TBATA: variants seen among roughly 807,000 people sequenced by gnomAD.
TBATA encodes thymus, brain and testes associated.
Under a neutral mutation model 38.7 loss-of-function variants are expected in TBATA, and 47 were observed. The observed-to-expected ratio is 1.21, with a 90% CI of 0.96 to 1.55. The LOEUF is 1.55. Ranked by LOEUF, TBATA falls within the 40% of genes most tolerant of loss-of-function variation. TBATA has a pLI of 0.00. For missense variants in TBATA, 436 were observed against 435.6 expected, an observed-to-expected ratio of 1.00 and a Z score of -0.01; for synonymous variants, 183 against 170.5, an observed-to-expected ratio of 1.07 and a Z score of -0.57.
chr10:70,776,432 A>T (rs1485739947), intron 7 of TBATA: 1 of 456,204 alleles, frequency 2.2e-6, no homozygotes, highest in Admixed American at 2.3e-5. Context: ...GCTCCGTCTC[A>T]GGGGACCTGG....
chr10:70,775,457 G>A (rs1202491810), intron 7 of TBATA, among the ~76,000 whole-genome samples, 187 bp from the exon 8 acceptor site: 8 of 152,208 alleles, frequency 5.3e-5, no homozygotes, highest in Non-Finnish European at 2.9e-5. Flanking sequence ...CTTAACGGAG[G>A]GCTTTGTCTC....
intron 4 of TBATA, among the ~76,000 whole-genome samples, chr10:70,780,573 C>T (rs906930239): frequency 6.6e-6 from 1 of 152,008 alleles, no homozygotes. Context: ...GAAACACCCC[C>T]TCTCGAATGG....
chr10:70,773,805 C>T (rs1042457323), intron 9 of TBATA, among the ~76,000 whole-genome samples: 2 of 152,198 alleles, frequency 1.3e-5, no homozygotes, highest in African/African-American at 2.4e-5. Flanking sequence ...TGAGGCCTCC[C>T]CCAGTTCGTA....
rs1842772596 is a variant in TBATA, at chr10:70,771,352, G to A, written c.*24C>T. ...AACCCTTGGGGCTGCTCTTGAGCAA[G>A]GCAGGTGCAAGTGTTAGGGCCCCTC... On this transcript the variant is annotated 3_prime_UTR_variant, in exon 11 of 11. Coordinates refer to ENST00000456372, the MANE Select transcript of TBATA (RefSeq NM_001318241.2). 6.2e-7 allele frequency: 1 copy of A among 1,614,106 alleles called. No individual in the cohort carries two copies.
chr10:70,774,351 T>C lies in TBATA; in HGVS notation c.782A>G (p.Asp261Gly). The C allele has an allele frequency of 1.9e-6, 3 of 1,592,732 alleles. No homozygotes were observed. Among genetic ancestry groups the C allele is most frequent in the Admixed American group, 1.8e-5 (1 of 55,408 alleles). ...WLLYAPPKEKDLALGLLQTAV... is the reference protein window; with the variant it reads ...WLLYAPPKEKGLALGLLQTAV... ...TGTCTGCAGGAGTCCCAGAGCGAGG[T>C]CTTTTTCTGAAAGCACAGCCCGGGG... Residue 261 changes from aspartate (D) to glycine (G), a missense_variant, in exon 9 of 11, where the codon GAC becomes GGC. Asp to Gly is a moderately conservative substitution (Grantham distance 94). Transcript: ENST00000456372.
rs541459851 is a variant in TBATA, at chr10:70,778,484, G to A, written c.507+73C>T. ...CACCTCTGGTAGGCTGAACTGACTC[G>A]GGAGGGATCTCCTTACACAGGGAAG... On this transcript the variant is annotated intron_variant, in intron 6 of 10. Coordinates refer to ENST00000456372, the MANE Select transcript of TBATA (RefSeq NM_001318241.2). 23 of 1,455,804 alleles carry A rather than the reference G, an allele frequency of 1.6e-5. 1 individual carries two copies. The highest frequency in any genetic ancestry group is 8.0e-5 in the South Asian group (7 of 87,716). The allele number at this position is 1,455,804 out of a possible 1,614,324, so 90.2% of individuals were successfully genotyped here. A position where few individuals can be genotyped will look rare whatever the true frequency, so the allele number is the denominator to read the frequency against.
At position 70,774,390 on chromosome 10, in the gene TBATA, C is replaced by T. The variant is rs778931572; in HGVS notation, c.776-33G>A. The T allele has an allele frequency of 1.6e-5, 24 of 1,548,172 alleles. No homozygotes were observed. In the Admixed American group the frequency reaches 1.6e-4, roughly 10 times the overall value. ...CACAGCCCGGGGGCAGTGTCCTCAG[C>T]CCCCAGCCCCCTTCCTGTCCCTGTG... On this transcript the variant is annotated intron_variant, in intron 8 of 10. Coordinates refer to ENST00000456372, the MANE Select transcript of TBATA (RefSeq NM_001318241.2).
intron 3 of TBATA, 56 bp from the exon 4 acceptor site, chr10:70,782,092 C>A: frequency 6.4e-7 from 1 of 1,568,008 alleles, no homozygotes; most frequent in Non-Finnish European, 8.7e-7. Context: ...AGTGGGCCCA[C>A]CTGGGCTCAG....
Position 70,781,878 on chromosome 10 carries a change from T to C in TBATA, c.200A>G (p.Tyr67Cys). 1 of 1,614,168 alleles carries C rather than the reference T, an allele frequency of 6.2e-7. No individual in the cohort carries two copies. Residue 67 changes from tyrosine (Y) to cysteine (C), a missense_variant, in exon 4 of 11, where the codon TAC (tyrosine) becomes TGC (cysteine). By Grantham distance (194) the Tyr-to-Cys change is radical. Transcript: ENST00000456372. ...RTPKPQTPGT[Y>C]CFGRLSHHSF... ...GTGGTGACTGAGGCGTCCAAAGCAG[T>C]AGGTGCCAGGGGTTTGGGGCTTTGG... is the stretch of plus-strand genomic sequence containing the variant.
chr10:70,781,781 C>G lies in TBATA; in HGVS notation c.277+20G>C, dbSNP rs1001646863. On this transcript the variant is annotated intron_variant, in intron 4 of 10. Transcript: ENST00000456372. ...TTAGTGATACTCCCTCTGCTCCCAC[C>G]CCAACCAGCCAGGCCCTACCTTGGA... 1 of 1,608,154 alleles carries G rather than the reference C, an allele frequency of 6.2e-7. No homozygotes were observed. The highest frequency in any genetic ancestry group is 1.7e-5 in the Admixed American group (1 of 59,978).
chr10:70,777,225 C>T lies in TBATA; in HGVS notation c.621G>A (p.Gln207=), dbSNP rs1249144495. ...TGCTGGAAGACTGACTCTGCTGGCC[C>T]TGGTGAGATCTGCGGCGGCCGACAG... The part of the protein sequence containing the change: ...TRAVGRRRSH[Q]GQQSQSSSRH... The change falls in exon 7 of 11, where the codon CAG becomes CAA. Residue 207 remains glutamine, a synonymous_variant. Transcript: ENST00000456372. The T allele has an allele frequency of 6.2e-7, 1 of 1,613,664 alleles. No individual in the cohort carries two copies. Among genetic ancestry groups the T allele is most frequent in the Non-Finnish European group, 8.5e-7 (1 of 1,179,944 alleles).
At chr10:70,777,635 A>G in intron 6 of TBATA, 1 of 461,866 alleles carries the variant, frequency 2.2e-6, no homozygotes, top group East Asian at 4.4e-5. Flanking sequence ...TCAGTAATGC[A>G]GGGTCGATCG....
chr10:70,776,532 T>C (rs7897034), intron 7 of TBATA: 200,268 of 392,568 alleles, frequency 0.51, 52,458 homozygotes, highest in Non-Finnish European at 0.55. Context: ...TTTGCTGCAT[T>C]GTGGTAAGGT....
Position 70,771,407 on chromosome 10 carries a change from T to G in TBATA, c.1028A>C (p.Lys343Thr). 1.9e-6 allele frequency: 3 copies of G among 1,614,210 alleles called. No individual in the cohort carries two copies. Among genetic ancestry groups the G allele is most frequent in the Non-Finnish European group, 2.5e-6 (3 of 1,180,034 alleles). Residue 343 changes from lysine to threonine, a missense_variant, in exon 11 of 11, where the codon AAG becomes ACG. Transcript: ENST00000456372. Reference sequence around the variant, plus strand: ...CTCTGCCCTCGGCTTCGATGTCTTCTTCTCTGTGTTCTGGCTTGAATGCAT... The same window carrying G: ...CTCTGCCCTCGGCTTCGATGTCTTCGTCTCTGTGTTCTGGCTTGAATGCAT... The part of the protein sequence containing the change: ...LQMHSSQNTE[K>T]KTSKPRAES
At chr10:70,774,738 C>G (rs977508506) in intron 8 of TBATA, among the ~76,000 whole-genome samples, 2 of 152,172 alleles carry the variant, frequency 1.3e-5, no homozygotes, top group Non-Finnish European at 2.9e-5. Context: ...CCTCACCCTT[C>G]TACTCAGATG....
In TBATA at chr10:70,772,545, C is replaced by T. The variant is rs915514400; in HGVS notation, c.942G>A (p.Lys314=). The T allele has an allele frequency of 1.2e-6, 2 of 1,614,142 alleles. No homozygotes were observed. Among genetic ancestry groups the T allele is most frequent in the African/African-American group, 2.7e-5 (2 of 75,008 alleles). ...PPCSQSPKKT[K]ISPFTKSEKP... ...TTTCGCTTTTTGTAAAAGGTGATAT[C>T]TTCGTTTTCTTCGGGGATTGACTGT... The change falls in exon 10 of 11, where the codon AAG becomes AAA. Residue 314 remains lysine, a synonymous_variant. Coordinates refer to ENST00000456372, the MANE Select transcript of TBATA (RefSeq NM_001318241.2).
chr10:70,777,104 A>G, intron 7 of TBATA, 49 bp downstream of exon 7: 1 of 1,581,400 alleles, frequency 6.3e-7, no homozygotes, highest in Non-Finnish European at 8.6e-7. Context: ...GGTTTGTAAG[A>G]CCCCTAATGT....
chr10:70,783,610 G>T (rs1393656004), intron 2 of TBATA, 85 bp from the exon 3 acceptor site: 4 of 493,118 alleles, frequency 8.1e-6, no homozygotes, highest in African/African-American at 7.8e-5. Context: ...AGATATAAGA[G>T]AAATTCTTAT....
intron 8 of TBATA, among the ~76,000 whole-genome samples, chr10:70,774,821 T>C (rs1843183436): frequency 6.6e-6 from 1 of 152,186 alleles, no homozygotes; most frequent in Non-Finnish European, 1.5e-5. Context: ...TGAGTAGCCT[T>C]ATGTGCATCT....
Sources: allele counts gnomAD v4.1 joint callset (sites outside exome capture counted in the v4.1 genomes callset), GRCh38; gene constraint gnomAD v4.1.1; transcripts MANE v1.5; gene names NCBI Gene and HGNC (gene_info 2026-07-23, HGNC 2026-07-21).